The following CATSPERE variants were observed in gnomAD, a reference collection of about 807,000 sequenced individuals.
The protein encoded by CATSPERE is cation channel sperm-associated auxiliary subunit epsilon.
In CATSPERE, 93 loss-of-function variants were observed where a neutral mutation model predicts 114.1. That is an observed-to-expected ratio of 0.81 (90% CI 0.69 to 0.97). The LOEUF is 0.97. Among genes scored for constraint, CATSPERE ranks in the 50% least tolerant of loss-of-function variants. The pLI is 0.00. For missense variants in CATSPERE, 1,058 were observed against 1,131.6 expected, an observed-to-expected ratio of 0.93 and a Z score of 0.93; for synonymous variants, 341 against 384.1, an observed-to-expected ratio of 0.89 and a Z score of 1.31.
chr1:244,462,279 C>G (rs1666948717), intron 1 of CATSPERE, among the ~76,000 whole-genome samples: 1 of 152,154 alleles, frequency 6.6e-6, no homozygotes. Flanking sequence ...ACCTATGGGC[C>G]TCTTAGATCT....
chr1:244,578,823 C>CATATATATATATATATATATATATATAT (rs10695652), intron 11 of CATSPERE, among the ~76,000 whole-genome samples: 1 of 133,018 alleles, frequency 7.5e-6, no homozygotes, highest in Non-Finnish European at 1.6e-5. Flanking sequence ...GGTGCATATA[C>CATATATATATATATATATATATATATAT]ATATATATAT....
chr1:244,624,288 AGAC>A (rs1052854112), intron 20 of CATSPERE, among the ~76,000 whole-genome samples: 4 of 152,058 alleles, frequency 2.6e-5, no homozygotes, highest in African/African-American at 9.7e-5. Flanking sequence ...TCTTAAAATA[AGAC>A]AACAGTGAAG....
chr1:244,501,534 AT>A (rs1248991918), intron 7 of CATSPERE, among the ~76,000 whole-genome samples: 1 of 152,212 alleles, frequency 6.6e-6, no homozygotes, highest in Non-Finnish European at 1.5e-5. Context: ...TCTCATGGTA[AT>A]CAAATTCACA....
intron 15 of CATSPERE, among the ~76,000 whole-genome samples, chr1:244,593,092 GAA>G (rs1667943188): frequency 6.6e-6 from 1 of 152,168 alleles, no homozygotes; most frequent in Non-Finnish European, 1.5e-5. Context: ...ATAGCACAAC[GAA>G]CATGGGCTTT....
intron 17 of CATSPERE, chr1:244,598,436 T>G (rs1668729378): frequency 6.2e-6 from 1 of 162,506 alleles, no homozygotes; most frequent in Admixed American, 6.3e-5. Flanking sequence ...CTTTCTGCCT[T>G]CCTTTTAACA....
chr1:244,492,252 A>C (rs1158609519), intron 6 of CATSPERE, among the ~76,000 whole-genome samples: 4 of 152,248 alleles, frequency 2.6e-5, no homozygotes, highest in African/African-American at 9.6e-5. Flanking sequence ...CACCATGATC[A>C]AGTGGGCTTC....
At chr1:244,613,272 G>T (rs1383688455) in intron 19 of CATSPERE, among the ~76,000 whole-genome samples, 1 of 152,024 alleles carries the variant, frequency 6.6e-6, no homozygotes, top group African/African-American at 2.4e-5. Context: ...AATATATTTT[G>T]TATTTTCAAG....
chr1:244,605,835 T>A, intron 18 of CATSPERE, 41 bp downstream of exon 18: 1 of 1,309,532 alleles, frequency 7.6e-7, no homozygotes, highest in Non-Finnish European at 1.1e-6. Flanking sequence ...AGCATGCAAC[T>A]AGACAATGTC....
upstream of CATSPERE, among the ~76,000 whole-genome samples, chr1:244,453,517 C>A (rs1416300378): frequency 6.6e-6 from 1 of 152,198 alleles, no homozygotes; most frequent in Non-Finnish European, 1.5e-5. Context: ...GGGGGCTTGT[C>A]TGGCATTGCC....
At chr1:244,611,734 T>C (rs1363289507) in intron 19 of CATSPERE, among the ~76,000 whole-genome samples, 1 of 152,176 alleles carries the variant, frequency 6.6e-6, no homozygotes. Flanking sequence ...CAGGGATAAA[T>C]GATAGGTGAG....
chr1:244,614,513 T>C lies in CATSPERE; in HGVS notation c.2491-3016T>C, dbSNP rs190065551. Among the ~76,000 whole-genome samples the C allele has an allele frequency of 3.2e-3, 481 of 152,382 alleles. 8 individuals are homozygous for C. Among genetic ancestry groups the C allele is most frequent in the Non-Finnish European group, 2.2e-3 (147 of 68,040 alleles). Reference sequence around the variant, plus strand: ...CCTTGTGATCTCCTCCTTTGCTTTTTATACAAACATCTTCCAAACTTTTCC... The same window carrying C: ...CCTTGTGATCTCCTCCTTTGCTTTTCATACAAACATCTTCCAAACTTTTCC... On this transcript the variant is annotated intron_variant, in intron 19 of 21. Coordinates refer to ENST00000366534, the MANE Select transcript of CATSPERE (RefSeq NM_001130957.2).
intron 8 of CATSPERE, among the ~76,000 whole-genome samples, chr1:244,529,420 T>C (rs1679243632): frequency 6.6e-6 from 1 of 152,252 alleles, no homozygotes; most frequent in African/African-American, 2.4e-5. Context: ...TGATCAGTGA[T>C]GTTGAGCACC....
rs566894494 is a variant in CATSPERE, at chr1:244,586,277, G to A, written c.2086-2205G>A. On this transcript the variant is annotated intron_variant, in intron 13 of 21. Transcript: ENST00000366534. ...ACTCATATTTTTAATCCTAGCCATGGTGCTTGATCCTGAGGCTTGGGGTGA... is the reference window on the plus strand; with the variant it reads ...ACTCATATTTTTAATCCTAGCCATGATGCTTGATCCTGAGGCTTGGGGTGA... 9.9e-5 allele frequency among the ~76,000 whole-genome samples: 15 copies of A among 152,264 alleles called. No individual in the cohort carries two copies. The South Asian group carries it at 3.1e-3, about 32-fold the overall frequency.
intron 8 of CATSPERE, among the ~76,000 whole-genome samples, chr1:244,528,374 A>G (rs1679004673): frequency 6.6e-6 from 1 of 152,250 alleles, no homozygotes; most frequent in African/African-American, 2.4e-5. Context: ...CAAGCATAAT[A>G]TGGAATGATA....
intron 5 of CATSPERE, among the ~76,000 whole-genome samples, chr1:244,485,861 C>CT (rs200355761): frequency 4.8e-4 from 70 of 145,518 alleles, no homozygotes; most frequent in East Asian, 6.0e-4. Context: ...TGTGCTCCAT[C>CT]TTTTTTTTTT....
rs1674553096 is a variant in CATSPERE, at chr1:244,504,700, G to C, written c.429+5621G>C. Among the ~76,000 whole-genome samples, 1 of 152,188 alleles carries C rather than the reference G, an allele frequency of 6.6e-6. No individual in the cohort carries two copies. The highest frequency in any genetic ancestry group is 2.1e-4 in the South Asian group (1 of 4,828). ...TTTTCTCATAATCAGATTGGAGTTAGGTGTTTCAGGCAGGAAGACCGCAGA... is the reference window on the plus strand; with the variant it reads ...TTTTCTCATAATCAGATTGGAGTTACGTGTTTCAGGCAGGAAGACCGCAGA... On this transcript the variant is annotated intron_variant, in intron 7 of 21. Coordinates refer to ENST00000366534, the MANE Select transcript of CATSPERE (RefSeq NM_001130957.2). The surrounding 1 kb of genome is among the most constrained non-coding windows in gnomAD (Gnocchi z 4.1).
intron 17 of CATSPERE, chr1:244,598,563 C>T: frequency 3.7e-6 from 1 of 271,640 alleles, no homozygotes; most frequent in Non-Finnish European, 7.6e-6. Context: ...AGCCACCTCA[C>T]CTGTCTTGCA....
intron 5 of CATSPERE, 124 bp downstream of exon 5, chr1:244,479,908 C>T: frequency 2.2e-6 from 1 of 454,974 alleles, no homozygotes; most frequent in South Asian, 6.4e-5. Flanking sequence ...ACCAACCAAG[C>T]TATTCTCAAA....
chr1:244,546,022 T>G (rs1659697160), intron 8 of CATSPERE, among the ~76,000 whole-genome samples: 1 of 152,228 alleles, frequency 6.6e-6, no homozygotes, highest in Admixed American at 6.5e-5. Flanking sequence ...TATAGGAACA[T>G]AGACCCTTTC....
Sources: allele counts gnomAD v4.1 joint callset (sites outside exome capture counted in the v4.1 genomes callset), GRCh38; gene constraint gnomAD v4.1.1; non-coding constraint Gnocchi (gnomAD v3.1); transcripts MANE v1.5; gene names NCBI Gene and HGNC (gene_info 2026-07-23, HGNC 2026-07-21).